The following SNURF variants were observed in gnomAD, a reference collection of about 807,000 sequenced individuals.
The protein encoded by SNURF is SNRPN upstream open reading frame.
Under a neutral mutation model 11.6 loss-of-function variants are expected in SNURF, and 6 were observed. The observed-to-expected ratio is 0.52, with a 90% CI of 0.28 to 1.02. The LOEUF is 1.02. SNURF is among the 50% of genes least tolerant of loss of function. The probability of loss-of-function intolerance (pLI) is 0.09; values close to 1 mark genes in which losing one functional copy is unlikely to be tolerated. For synonymous variants in SNURF, 29 were observed against 31.6 expected, an observed-to-expected ratio of 0.92 and a Z score of 0.27; for missense variants, 84 against 88.4, an observed-to-expected ratio of 0.95 and a Z score of 0.20.
chr15:24,958,538 C>T (rs534313766), intron 1 of SNURF, among the ~76,000 whole-genome samples: 6 of 120,054 alleles, frequency 5.0e-5, no homozygotes, highest in South Asian at 2.8e-4. Context: ...CCAGGGTCTC[C>T]CTATGTTGTC....
intron 4 of SNURF, among the ~76,000 whole-genome samples, chr15:24,975,861 C>A (rs560052485): frequency 6.6e-6 from 1 of 152,290 alleles, no homozygotes; most frequent in Non-Finnish European, 1.5e-5. Flanking sequence ...AACAGTTGTT[C>A]TTCATGGTTG....
intron 1 of SNURF, among the ~76,000 whole-genome samples, chr15:24,959,305 A>C (rs1249432318): frequency 2.6e-5 from 4 of 152,170 alleles, no homozygotes; most frequent in Non-Finnish European, 5.9e-5. Flanking sequence ...AAAATCTTAT[A>C]GATGACATTT....
chr15:24,972,053 C>T (rs752300328), downstream of SNURF, among the ~76,000 whole-genome samples: 6 of 151,952 alleles, frequency 3.9e-5, no homozygotes, highest in Non-Finnish European at 7.4e-5. Context: ...GTCAGGAGTT[C>T]GAGACTAGCC....
chr15:24,966,798 A>G (rs2075705403), intron 2 of SNURF, among the ~76,000 whole-genome samples: 1 of 152,106 alleles, frequency 6.6e-6, no homozygotes, highest in Non-Finnish European at 1.5e-5. Context: ...CCAATTTCCA[A>G]ATCCTTACAT....
At chr15:24,973,231 A>AG (rs1359738371), downstream of SNURF, among the ~76,000 whole-genome samples, 1 of 152,028 alleles carries the variant, frequency 6.6e-6, no homozygotes, top group Middle Eastern at 3.2e-3. Flanking sequence ...CATAGTATGC[A>AG]GGATAGTAAC....
rs2062613078 is a variant in SNURF at position 24,955,068 on chromosome 15, C to T, written c.14+6C>T. On this transcript the variant is annotated splice_donor_region_variant and intron_variant, in intron 1 of 2. Coordinates refer to ENST00000577949, the Ensembl canonical transcript of SNURF. ...GACGCGATGGAGCGGGCAAGGTCAG[C>T]TGTGCCGGTGGCTTCTCTCAAGAGA... 2.5e-6 allele frequency: 4 copies of T among 1,613,418 alleles called. No individual in the cohort carries two copies. The highest frequency in any genetic ancestry group is 3.4e-6 in the Non-Finnish European group (4 of 1,180,026).
downstream of SNURF, among the ~76,000 whole-genome samples, chr15:24,972,609 T>A (rs1398230259): frequency 6.7e-6 from 1 of 149,718 alleles, no homozygotes; most frequent in Non-Finnish European, 1.5e-5. Flanking sequence ...AATGGTGCGA[T>A]CTCCGCTCAA....
intron 2 of SNURF, among the ~76,000 whole-genome samples, chr15:24,965,311 G>A (rs1262028571): frequency 2.0e-5 from 3 of 152,114 alleles, no homozygotes; most frequent in Non-Finnish European, 2.9e-5. Context: ...GCGAAGGTGG[G>A]CAGATCACCT....
chr15:24,956,527 A>G (rs1366016139), intron 1 of SNURF, among the ~76,000 whole-genome samples: 1 of 152,160 alleles, frequency 6.6e-6, no homozygotes, highest in Non-Finnish European at 1.5e-5. Context: ...CTGCTTGGGA[A>G]AGGATGCAGG....
chr15:24,956,684 G>T (rs1028898402), intron 1 of SNURF, among the ~76,000 whole-genome samples: 3 of 152,330 alleles, frequency 2.0e-5, no homozygotes, highest in African/African-American at 7.2e-5. Context: ...GTTCCTTTCC[G>T]GTTGTGGCGC....
chr15:24,976,807 T>A (rs2077115699), intron 5 of SNURF: 1 of 1,383,710 alleles, frequency 7.2e-7, no homozygotes, highest in African/African-American at 1.5e-5. Context: ...AGAGAAGTGA[T>A]CTCTGATGAA....
chr15:24,978,357 C>T (rs1490193431), downstream of SNURF: 1 of 1,613,880 alleles, frequency 6.2e-7, no homozygotes. Flanking sequence ...TCAGCCAGGC[C>T]CCTGAATATG....
chr15:24,964,568 G>A (rs2075345432), intron 2 of SNURF, among the ~76,000 whole-genome samples: 1 of 152,134 alleles, frequency 6.6e-6, no homozygotes, highest in Admixed American at 6.6e-5. Flanking sequence ...AAAGTGCTAG[G>A]ATTACAGGTG....
At chr15:24,968,223 G>C in exon 3 of SNURF, 1 of 593,580 alleles carries the variant, frequency 1.7e-6, no homozygotes, top group Non-Finnish European at 3.0e-6. Flanking sequence ...GTTTTAGAAA[G>C]TTTTGCAGGA....
At position 24,967,685 on chromosome 15, in the gene SNURF, G is replaced by A. The variant is rs183425416; in HGVS notation, c.111-247G>A. Among the ~76,000 whole-genome samples, 63 of 151,092 alleles carry A rather than the reference G, an allele frequency of 4.2e-4. 1 individual carries two copies. The highest frequency in any genetic ancestry group is 1.4e-3 in the African/African-American group (57 of 41,186). On this transcript the variant is annotated intron_variant, in intron 2 of 2. Transcript: ENST00000577949. ...TAGCTGGGTGTGGTGGTAGGTGCCT[G>A]TAATCCCAGCTACTTGGGAGGCTGA... is the stretch of plus-strand genomic sequence containing the variant.
chr15:24,962,386 A>G (rs181548004), intron 2 of SNURF, among the ~76,000 whole-genome samples, 177 bp downstream of exon 2: 1 of 152,268 alleles, frequency 6.6e-6, no homozygotes, highest in East Asian at 1.9e-4. Flanking sequence ...AAAATAATTC[A>G]CCCTCTTAAA....
intron 1 of SNURF, among the ~76,000 whole-genome samples, chr15:24,957,877 A>G (rs2063182994): frequency 6.6e-6 from 1 of 152,170 alleles, no homozygotes. Context: ...CGGGATCCTA[A>G]TATGGCAGAT....
At chr15:24,976,854 G>A in intron 5 of SNURF, 1 of 1,602,258 alleles carries the variant, frequency 6.2e-7, no homozygotes, top group South Asian at 1.1e-5. Context: ...TTTGATTTTA[G>A]GCTATGAATT....
intron 1 of SNURF, among the ~76,000 whole-genome samples, chr15:24,961,079 T>G (rs1048826456): frequency 2.6e-5 from 4 of 152,246 alleles, no homozygotes; most frequent in Non-Finnish European, 5.9e-5. Context: ...AACTTTATTT[T>G]TTGATGAAGT....
Sources: allele counts gnomAD v4.1 joint callset (sites outside exome capture counted in the v4.1 genomes callset), GRCh38; gene constraint gnomAD v4.1.1; transcripts MANE v1.5; gene names NCBI Gene and HGNC (gene_info 2026-07-23, HGNC 2026-07-21).